The following IGLL5 variants were observed in gnomAD, a reference collection of about 807,000 sequenced individuals.
IGLL5 encodes the protein immunoglobulin lambda like polypeptide 5, also known as immunoglobulin lambda-like polypeptide 5.
A neutral mutation model predicts 20.9 loss-of-function variants in IGLL5; 30 were observed. That is an observed-to-expected ratio of 1.44 (90% CI 1.07 to 1.95). IGLL5 has a LOEUF of 1.95. Among genes scored for constraint, IGLL5 ranks in the 30% most tolerant of loss-of-function variants. IGLL5 has a pLI of 0.00. For synonymous variants in IGLL5, 203 were observed against 117.3 expected (o/e 1.73, Z -4.72); for missense variants, 475 against 270.7 (o/e 1.75, Z -5.30).
intron 1 of IGLL5, among the ~76,000 whole-genome samples, chr22:22,889,168 G>C (rs1178405823): frequency 6.6e-6 from 1 of 151,070 alleles, no homozygotes; most frequent in Admixed American, 6.6e-5. Context: ...GGGAGGAGAG[G>C]GGGTGATGGC....
rs912670710 is a variant in IGLL5 at position 22,894,345 on chromosome 22, A to G, written c.325+527A>G. On this transcript the variant is annotated intron_variant, in intron 2 of 2. Transcript: ENST00000526893. Reference sequence around the variant, plus strand: ...GGGGAGACCAATGGAGGGCACAGAGAGGGCTCTGGGTCTAGGCTGCAGCTC... The same window carrying G: ...GGGGAGACCAATGGAGGGCACAGAGGGGGCTCTGGGTCTAGGCTGCAGCTC... 2.0e-5 allele frequency among the ~76,000 whole-genome samples: 3 copies of G among 151,406 alleles called. 1 individual carries two copies. The highest frequency in any genetic ancestry group is 3.7e-3 in the Middle Eastern group (1 of 270).
At chr22:22,895,240 A>G (rs2066734044) in intron 2 of IGLL5, 135 bp from the exon 3 acceptor site, 2 of 788,946 alleles carry the variant, frequency 2.5e-6, no homozygotes, top group Admixed American at 2.2e-5. Context: ...AGGATGGGGA[A>G]AGAAGAGGAG....
intron 1 of IGLL5, among the ~76,000 whole-genome samples, chr22:22,888,480 G>C (rs146883575): frequency 6.6e-6 from 1 of 151,424 alleles, no homozygotes; most frequent in Admixed American, 6.6e-5. Flanking sequence ...CTTGATTTCT[G>C]AGTTTTCTGG....
In IGLL5 at chr22:22,889,368, G is replaced by A. The variant is rs557119190; in HGVS notation, c.206+1109G>A. On this transcript the variant is annotated intron_variant, in intron 1 of 2. Coordinates refer to ENST00000526893, the MANE Select transcript of IGLL5 (RefSeq NM_001178126.2). The stretch of plus-strand genomic sequence containing the variant: ...GCATTAAAAATGTATAACCATTTTA[G>A]CAACAGGCGGCGAGTCAAAAAACAA... 4.6e-5 allele frequency among the ~76,000 whole-genome samples: 7 copies of A among 151,162 alleles called. 1 individual carries two copies. In the South Asian group the frequency reaches 8.5e-4, roughly 18 times the overall value.
chr22:22,888,147 GC>G lies in IGLL5; in HGVS notation c.96del (p.Met33TrpfsTer76). The G allele has an allele frequency of 6.5e-7, 1 of 1,549,468 alleles. No individual in the cohort carries two copies. Among genetic ancestry groups the G allele is most frequent in the African/African-American group, 1.4e-5 (1 of 72,934 alleles). ...QRWPLLLLGLAMVAHGLLRPM... is the reference protein window; with the variant it reads ...QRWPLLLLGLXMVAHGLLRPM... ...CTGGCCCCTGCTGCTGCTGGGTCTG[GC>G]CATGGTCGCCCATGGCCTGCTGCGC... On this transcript the variant is annotated frameshift_variant, in exon 1 of 3. Coordinates refer to ENST00000526893, the MANE Select transcript of IGLL5 (RefSeq NM_001178126.2). LOFTEE classifies it high-confidence loss of function.
At chr22:22,893,965 AT>A in intron 2 of IGLL5, 147 bp downstream of exon 2, 1 of 689,858 alleles carries the variant, frequency 1.4e-6, no homozygotes, top group East Asian at 2.7e-5. Context: ...GAGGAGGTGC[AT>A]TAGTCTCCGG....
intron 1 of IGLL5, among the ~76,000 whole-genome samples, chr22:22,889,291 T>A (rs1292571299): frequency 6.6e-6 from 1 of 150,826 alleles, no homozygotes; most frequent in African/African-American, 2.4e-5. Flanking sequence ...AGCATGAAGT[T>A]GAAGTGAGGG....
At position 22,887,949 on chromosome 22, in the gene IGLL5, T is replaced by A. The variant is rs2067554458; in HGVS notation, c.-105T>A. Reference sequence around the variant, plus strand: ...CAGGGAGAGGACAGAGCCAATGGACTGGGGTGTACTGTAACAGCCCTGCTG... The same window carrying A: ...CAGGGAGAGGACAGAGCCAATGGACAGGGGTGTACTGTAACAGCCCTGCTG... On this transcript the variant is annotated 5_prime_UTR_variant, in exon 1 of 3. Transcript: ENST00000526893. 1.1e-6 allele frequency: 1 copy of A among 882,450 alleles called. No homozygotes were observed. The highest frequency in any genetic ancestry group is 1.9e-6 in the Non-Finnish European group (1 of 539,592). The allele number at this position is 882,450 out of a possible 1,614,324, so 54.7% of individuals were successfully genotyped here.
chr22:22,895,788 C>A lies in IGLL5; in HGVS notation c.*94C>A. 1.7e-6 allele frequency: 2 copies of A among 1,161,758 alleles called. No individual in the cohort carries two copies. Among genetic ancestry groups the A allele is most frequent in the Non-Finnish European group, 1.3e-6 (1 of 773,698 alleles). The allele number at this position is 1,161,758 out of a possible 1,614,324, so 72.0% of individuals were successfully genotyped here. On this transcript the variant is annotated 3_prime_UTR_variant, in exon 3 of 3. Transcript: ENST00000526893. ...CATCCCAAGTCATCCAGCCCTTCTC[C>A]CTGCACTCATGAAACCCCAATAAAT... is the stretch of plus-strand genomic sequence containing the variant.
Position 22,895,771 on chromosome 22 carries a change from G to C in IGLL5, c.*77G>C. 1 of 1,357,840 alleles carries C rather than the reference G, an allele frequency of 7.4e-7. No individual in the cohort carries two copies. The highest frequency in any genetic ancestry group is 1.2e-5 in the South Asian group (1 of 85,666). 84.1% of individuals were successfully genotyped at this position (1,357,840 alleles called of 1,614,324 possible). A position where few individuals can be genotyped will look rare whatever the true frequency, so the allele number is the denominator to read the frequency against. On this transcript the variant is annotated 3_prime_UTR_variant, in exon 3 of 3. Transcript: ENST00000526893. Reference sequence around the variant, plus strand: ...GGAGGGGTCTCTCTCCCCATCCCAAGTCATCCAGCCCTTCTCCCTGCACTC... The same window carrying C: ...GGAGGGGTCTCTCTCCCCATCCCAACTCATCCAGCCCTTCTCCCTGCACTC...
chr22:22,887,951 G>C lies in IGLL5; in HGVS notation c.-103G>C, dbSNP rs989283587. 1 of 893,668 alleles carries C rather than the reference G, an allele frequency of 1.1e-6. No homozygotes were observed. Among genetic ancestry groups the C allele is most frequent in the Non-Finnish European group, 1.8e-6 (1 of 549,558 alleles). 55.4% of individuals were successfully genotyped at this position (893,668 alleles called of 1,614,324 possible). A position where few individuals can be genotyped will look rare whatever the true frequency, so the allele number is the denominator to read the frequency against. On this transcript the variant is annotated 5_prime_UTR_variant, in exon 1 of 3. Coordinates refer to ENST00000526893, the MANE Select transcript of IGLL5 (RefSeq NM_001178126.2). ...GGGAGAGGACAGAGCCAATGGACTG[G>C]GGTGTACTGTAACAGCCCTGCTGGC...
chr22:22,888,589 G>T (rs892793947), intron 1 of IGLL5, among the ~76,000 whole-genome samples: 2 of 151,376 alleles, frequency 1.3e-5, no homozygotes, highest in East Asian at 2.0e-4. Context: ...TCCACAGGGG[G>T]TGGTGGCCAC....
rs1170259581 is a variant in IGLL5, at chr22:22,888,133, T to G, written c.80T>G (p.Leu27Arg). 1 of 1,549,758 alleles carries G rather than the reference T, an allele frequency of 6.5e-7. No homozygotes were observed. Among genetic ancestry groups the G allele is most frequent in the Non-Finnish European group, 8.7e-7 (1 of 1,146,854 alleles). ...GPGPRQRWPL[L>R]LLGLAMVAHG... is the part of the protein sequence containing the mutation. The stretch of plus-strand genomic sequence containing the variant: ...GGTCCCAGGCAGCGCTGGCCCCTGC[T>G]GCTGCTGGGTCTGGCCATGGTCGCC... Residue 27 changes from leucine (L) to arginine (R), a missense_variant, in exon 1 of 3, where the codon CTG (leucine) becomes CGG (arginine). Transcript: ENST00000526893.
intron 1 of IGLL5, among the ~76,000 whole-genome samples, chr22:22,888,520 C>A (rs149153411): frequency 1.3e-5 from 2 of 151,294 alleles, no homozygotes; most frequent in Admixed American, 6.6e-5. Context: ...AGGGTCAGTG[C>A]CTCAATCACC....
chr22:22,894,624 A>C (rs1171001515), intron 2 of IGLL5, among the ~76,000 whole-genome samples: 1 of 150,824 alleles, frequency 6.6e-6, no homozygotes, highest in Admixed American at 6.6e-5. Context: ...AGGGGTGCAG[A>C]GAACTCCATG....
In IGLL5 at chr22:22,893,726, G is replaced by A. The variant is rs765877285; in HGVS notation, c.233G>A (p.Arg78Lys). ...CTCCTGCTCCAGCCCAGCCCCCAGA[G>A]AGCAGACCCCAGGTGCTGGCCCCGG... is the stretch of plus-strand genomic sequence containing the variant. ...GRLLLQPSPQ[R>K]ADPRCWPRGF... Residue 78 changes from arginine to lysine, a missense_variant, in exon 2 of 3, where the codon AGA (arginine) becomes AAA (lysine). Arg to Lys is a conservative substitution (Grantham distance 26). Transcript: ENST00000526893. 2 of 1,607,882 alleles carry A rather than the reference G, an allele frequency of 1.2e-6. No individual in the cohort carries two copies. The highest frequency in any genetic ancestry group is 2.7e-5 in the African/African-American group (2 of 74,244).
At chr22:22,893,939 T>G (rs572008547) in intron 2 of IGLL5, 121 bp downstream of exon 2, 8 of 764,122 alleles carry the variant, frequency 1.0e-5, no homozygotes, top group Admixed American at 3.9e-5. Context: ...ACCCTTACCT[T>G]TCTCCATGGG....
At position 22,895,482 on chromosome 22, in the gene IGLL5, G is replaced by A. The variant is rs1212573723; in HGVS notation, c.433G>A (p.Ala145Thr). The A allele has an allele frequency of 6.2e-7, 1 of 1,612,798 alleles. No individual in the cohort carries two copies. Among genetic ancestry groups the A allele is most frequent in the Non-Finnish European group, 8.5e-7 (1 of 1,179,584 alleles). ...VCLISDFYPG[A>T]VTVAWKADGS... ...TCTGATCAGTGACTTCTACCCGGGAGCTGTGACAGTGGCCTGGAAGGCAGA... is the reference window on the plus strand; with the variant it reads ...TCTGATCAGTGACTTCTACCCGGGAACTGTGACAGTGGCCTGGAAGGCAGA... Residue 145 changes from alanine to threonine, a missense_variant, in exon 3 of 3, where the codon GCT becomes ACT. By Grantham distance (58) the Ala-to-Thr change is moderately conservative. Coordinates refer to ENST00000526893, the MANE Select transcript of IGLL5 (RefSeq NM_001178126.2).
intron 1 of IGLL5, among the ~76,000 whole-genome samples, chr22:22,889,096 G>A (rs150367614): frequency 2.0e-5 from 3 of 151,306 alleles, no homozygotes; most frequent in African/African-American, 4.8e-5. Context: ...ATCAGAGTCA[G>A]ATTTGTGTTT....
Sources: gnomAD v4.1 joint callset for allele counts (sites outside exome capture counted in the v4.1 genomes callset) on GRCh38, gnomAD v4.1.1 for gene constraint, MANE v1.5 for transcripts, NCBI Gene and HGNC (gene_info 2026-07-23, HGNC 2026-07-21) for gene names.